RWDD1: variants seen among roughly 807,000 people sequenced by gnomAD.
RWDD1 encodes the protein RWD domain-containing protein 1.
RWDD1 carries 17 observed loss-of-function variants against 31.6 expected under a neutral mutation model. That is an observed-to-expected ratio of 0.54 (90% CI 0.37 to 0.81). The LOEUF is 0.81. Among genes scored for constraint, RWDD1 ranks in the 30% least tolerant of loss-of-function variants. The pLI, the probability that RWDD1 is intolerant of heterozygous loss-of-function variation, is 0.00. For synonymous variants in RWDD1, 78 were observed against 94.2 expected (o/e 0.83, Z 0.99); for missense variants, 204 against 274.5 (o/e 0.74, Z 1.82).
rs144282895 is a variant in RWDD1 at position 116,578,223 on chromosome 6, T to A, written c.74-2072T>A. On this transcript the variant is annotated intron_variant, in intron 1 of 6. Transcript: ENST00000466444. Reference sequence around the variant, plus strand: ...ATATTTAATAGTTTTTAAGACATATTTTACACTTAACATCTCTGAATTCTT... The same window carrying A: ...ATATTTAATAGTTTTTAAGACATATATTACACTTAACATCTCTGAATTCTT... Among the ~76,000 whole-genome samples the A allele has an allele frequency of 4.4e-3, 663 of 152,350 alleles. 6 individuals carry two copies. The highest frequency in any genetic ancestry group is 6.6e-3 in the Admixed American group (101 of 15,308).
At chr6:116,576,321 C>A (rs1774839592) in intron 1 of RWDD1, among the ~76,000 whole-genome samples, 1 of 152,164 alleles carries the variant, frequency 6.6e-6, no homozygotes, top group South Asian at 2.1e-4. Context: ...AATTTCTTGT[C>A]TCTTTCAACT....
intron 2 of RWDD1, among the ~76,000 whole-genome samples, chr6:116,582,395 T>A (rs549005195): frequency 2.9e-4 from 44 of 152,156 alleles, no homozygotes; most frequent in African/African-American, 1.1e-3. Flanking sequence ...AAATCCAGTA[T>A]AAAGCTCTAT....
In RWDD1 at chr6:116,590,883, T is replaced by C. The variant is rs763399928; in HGVS notation, c.548-5T>C. ...GAATTAAACATACTTTTTTTTTTTT[T>C]TTAGGGAAACAACTATTTGAAACAG... On this transcript the variant is annotated splice_region_variant and splice_polypyrimidine_tract_variant and intron_variant, in intron 5 of 6. Transcript: ENST00000466444. 6.4e-7 allele frequency: 1 copy of C among 1,565,804 alleles called. No homozygotes were observed. The highest frequency in any genetic ancestry group is 8.6e-7 in the Non-Finnish European group (1 of 1,164,930).
At chr6:116,588,668 G>A (rs562487138) in intron 3 of RWDD1, among the ~76,000 whole-genome samples, 174 bp from the exon 4 acceptor site, 129 of 151,842 alleles carry the variant, frequency 8.5e-4, no homozygotes, top group African/African-American at 2.8e-3. Flanking sequence ...GGTTGGATAT[G>A]GCACATTTAC....
At chr6:116,590,729 T>C (rs1174995642) in intron 5 of RWDD1, among the ~76,000 whole-genome samples, 159 bp from the exon 6 acceptor site, 1 of 152,224 alleles carries the variant, frequency 6.6e-6, no homozygotes, top group Non-Finnish European at 1.5e-5. Context: ...TCCATTTTAA[T>C]GCAGATACAT....
intron 6 of RWDD1, among the ~76,000 whole-genome samples, chr6:116,591,170 A>G (rs1042741712): frequency 6.6e-6 from 1 of 152,160 alleles, no homozygotes; most frequent in Non-Finnish European, 1.5e-5. Flanking sequence ...AATCAAACTG[A>G]ACTTTATTTA....
At position 116,596,942 on chromosome 6, in the gene RWDD1, T is replaced by C. The variant is rs1373617624; in HGVS notation, c.*3841T>C. On this transcript the variant is annotated 3_prime_UTR_variant, in exon 7 of 7. Transcript: ENST00000466444. ...ATCCATTTGTAGCCACGCCAACAAA[T>C]TTATTCTGTGATATACCAAACTTAC... The C allele has an allele frequency of 2.0e-5, 3 of 152,284 alleles. No individual in the cohort carries two copies. Among genetic ancestry groups the C allele is most frequent in the East Asian group, 3.9e-4 (2 of 5,186 alleles). 9.4% of individuals were successfully genotyped at this position (152,284 alleles called of 1,614,324 possible).
rs1774736066 is a variant in RWDD1, at chr6:116,571,602, A to C, written c.20A>C (p.Glu7Ala). The C allele has an allele frequency of 6.2e-7, 1 of 1,613,666 alleles. No individual in the cohort carries two copies. Among genetic ancestry groups the C allele is most frequent in the Non-Finnish European group, 8.5e-7 (1 of 1,179,906 alleles). The part of the protein sequence containing the change: MTDYGE[E>A]QRNELEALES... ...GCCACGATGACAGATTACGGCGAGGAGCAGCGCAACGAGCTGGAGGCCCTG... is the reference window on the plus strand; with the variant it reads ...GCCACGATGACAGATTACGGCGAGGCGCAGCGCAACGAGCTGGAGGCCCTG... Residue 7 changes from glutamate to alanine, a missense_variant, in exon 1 of 7, where the codon GAG (glutamate) becomes GCG (alanine). Physicochemically the swap from Glu to Ala is moderately radical, Grantham distance 107. Coordinates refer to ENST00000466444, the MANE Select transcript of RWDD1 (RefSeq NM_015952.4).
Position 116,584,744 on chromosome 6 carries a change from A to G in RWDD1, c.157A>G (p.Lys53Glu). 6.2e-7 allele frequency: 1 copy of G among 1,611,122 alleles called. No individual in the cohort carries two copies. ...ENDETVQTTL[K>E]FTYSEKYPDE... Reference sequence around the variant, plus strand: ...TGTCTTAGCTGTCCAGACTACCCTCAAGTTTACATACAGTGAAAAATACCC... The same window carrying G: ...TGTCTTAGCTGTCCAGACTACCCTCGAGTTTACATACAGTGAAAAATACCC... The change falls in exon 3 of 7, where the codon AAG becomes GAG. Residue 53 changes from lysine to glutamate, a missense_variant. By Grantham distance (56) the Lys-to-Glu change is moderately conservative. Transcript: ENST00000466444.
At chr6:116,577,459 T>C (rs147394380) in intron 1 of RWDD1, among the ~76,000 whole-genome samples, 2 of 152,086 alleles carry the variant, frequency 1.3e-5, no homozygotes, top group East Asian at 1.9e-4. Flanking sequence ...TGATCCCAAA[T>C]TGAATTAAAG....
chr6:116,590,894 A>G lies in RWDD1; in HGVS notation c.554A>G (p.Gln185Arg), dbSNP rs1775131853. ...QAGKNKLSGKQLFETDHNLDT... is the reference protein window; with the variant it reads ...QAGKNKLSGKRLFETDHNLDT... The stretch of plus-strand genomic sequence containing the variant: ...ACTTTTTTTTTTTTTTTAGGGAAAC[A>G]ACTATTTGAAACAGATCATAATCTT... Residue 185 changes from glutamine (Q) to arginine (R), a missense_variant, in exon 6 of 7, where the codon CAA becomes CGA. By Grantham distance (43) the Gln-to-Arg change is conservative. Transcript: ENST00000466444. 1 of 1,564,054 alleles carries G rather than the reference A, an allele frequency of 6.4e-7. No homozygotes were observed. The highest frequency in any genetic ancestry group is 2.4e-5 in the East Asian group (1 of 42,184).
chr6:116,589,043 G>A, intron 4 of RWDD1, 58 bp downstream of exon 4: 1 of 1,180,760 alleles, frequency 8.5e-7, no homozygotes. Context: ...TCAGTTGCTT[G>A]GTTGGGTTTT....
chr6:116,590,092 G>T (rs1775111984), intron 4 of RWDD1, among the ~76,000 whole-genome samples, 180 bp from the exon 5 acceptor site: 1 of 152,130 alleles, frequency 6.6e-6, no homozygotes, highest in Non-Finnish European at 1.5e-5. Flanking sequence ...AAAGTATGTT[G>T]CCAAAACCAG....
chr6:116,572,204 A>C (rs1436504721), intron 1 of RWDD1, among the ~76,000 whole-genome samples: 2 of 151,572 alleles, frequency 1.3e-5, no homozygotes, highest in African/African-American at 4.9e-5. Flanking sequence ...TGCCTAATGG[A>C]TAATGTGGCC....
chr6:116,590,181 G>C, intron 4 of RWDD1, 91 bp from the exon 5 acceptor site: 1 of 590,304 alleles, frequency 1.7e-6, no homozygotes, highest in Non-Finnish European at 2.8e-6. Context: ...TTTCTTATAA[G>C]GGGTTATATT....
chr6:116,572,933 G>C (rs1180194653), intron 1 of RWDD1: 1 of 985,386 alleles, frequency 1.0e-6, no homozygotes, highest in African/African-American at 1.7e-5. Flanking sequence ...CATCTGTGCT[G>C]TGAGGATGTT....
intron 2 of RWDD1, among the ~76,000 whole-genome samples, chr6:116,580,570 A>T (rs1330932993): frequency 1.3e-5 from 2 of 152,194 alleles, no homozygotes; most frequent in African/African-American, 4.8e-5. Context: ...AGTCTGGCAC[A>T]ATAAGCTTAG....
intron 2 of RWDD1, among the ~76,000 whole-genome samples, chr6:116,583,722 G>C (rs1202951641): frequency 1.3e-5 from 2 of 151,928 alleles, no homozygotes; most frequent in African/African-American, 4.8e-5. Context: ...AAAAAATCTT[G>C]TTCCACCAAT....
intron 5 of RWDD1, 90 bp from the exon 6 acceptor site, chr6:116,590,798 G>C (rs1421636289): frequency 5.5e-6 from 8 of 1,467,348 alleles, no homozygotes; most frequent in Non-Finnish European, 6.3e-6. Flanking sequence ...CACAGAAAAA[G>C]AGGTTTTCAA....
Sources: allele counts gnomAD v4.1 joint callset (sites outside exome capture counted in the v4.1 genomes callset), GRCh38; gene constraint gnomAD v4.1.1; transcripts MANE v1.5; gene names NCBI Gene and HGNC (gene_info 2026-07-23, HGNC 2026-07-21).